TCF25: variants seen among roughly 807,000 people sequenced by gnomAD.
TCF25 encodes the protein TCF25 ribosome quality control complex subunit, also known as ribosome quality control complex subunit TCF25.
TCF25 carries 41 observed loss-of-function variants against 83.1 expected under a neutral mutation model. The observed-to-expected ratio is 0.49, with a 90% CI of 0.38 to 0.64. The LOEUF (loss-of-function observed/expected upper bound fraction) is 0.64, where lower values mean the gene tolerates loss of function less well. Ranked by LOEUF, TCF25 falls within the 30% of genes least tolerant of loss-of-function variation. TCF25 has a pLI of 0.00. For missense variants in TCF25, 979 were observed against 914.5 expected, an observed-to-expected ratio of 1.07 and a Z score of -0.91; for synonymous variants, 458 against 365.0, an observed-to-expected ratio of 1.25 and a Z score of -2.90.
At chr16:89,898,230 C>G (rs931908126) in intron 9 of TCF25, among the ~76,000 whole-genome samples, 3 of 152,126 alleles carry the variant, frequency 2.0e-5, no homozygotes, top group Non-Finnish European at 4.4e-5. Context: ...GTGCTGGGCA[C>G]GTAGAAAATG....
At chr16:89,905,395 G>A (rs1446828589) in intron 14 of TCF25, among the ~76,000 whole-genome samples, 1 of 152,164 alleles carries the variant, frequency 6.6e-6, no homozygotes, top group Non-Finnish European at 1.5e-5. Flanking sequence ...ATGATGACGA[G>A]TCTCTCACAG....
chr16:89,892,118 A>G, intron 5 of TCF25, 75 bp from the exon 6 acceptor site: 1 of 1,423,604 alleles, frequency 7.0e-7, no homozygotes, highest in Non-Finnish European at 9.4e-7. Flanking sequence ...CAGCCCGTGC[A>G]GGGATCAGGC....
intron 15 of TCF25, 31 bp downstream of exon 15, chr16:89,906,315 G>T: frequency 6.2e-7 from 1 of 1,603,878 alleles, no homozygotes; most frequent in Non-Finnish European, 8.5e-7. Context: ...TGGGAGCTCT[G>T]TGTAAGCCGG....
chr16:89,901,216 C>T (rs996570013), intron 12 of TCF25, among the ~76,000 whole-genome samples: 3 of 152,248 alleles, frequency 2.0e-5, no homozygotes, highest in Non-Finnish European at 2.9e-5. Context: ...TGGACTCAGC[C>T]TGCACAGCCG....
chr16:89,883,594 T>C lies in TCF25; in HGVS notation c.354+82T>C, dbSNP rs2042765365. 2.1e-6 allele frequency: 3 copies of C among 1,446,074 alleles called. No individual in the cohort carries two copies. In the South Asian group the frequency reaches 4.1e-5, roughly 20 times the overall value. The allele number at this position is 1,446,074 out of a possible 1,614,324, so 89.6% of individuals were successfully genotyped here. ...GCCACGTGTATCCTGTGCTGTGATT[T>C]TCCTTGGAGGTGTAATTTTCCGAGT... On this transcript the variant is annotated intron_variant, in intron 2 of 17. Coordinates refer to ENST00000263346, the MANE Select transcript of TCF25 (RefSeq NM_014972.3).
At chr16:89,893,399 G>A (rs2043580753) in intron 6 of TCF25, among the ~76,000 whole-genome samples, 1 of 152,196 alleles carries the variant, frequency 6.6e-6, no homozygotes, top group Non-Finnish European at 1.5e-5. Flanking sequence ...TGCTCGGCGT[G>A]GTCAGATCTG....
At chr16:89,884,444 G>C in intron 2 of TCF25, 138 bp from the exon 3 acceptor site, 10 of 775,680 alleles carry the variant, frequency 1.3e-5, no homozygotes, top group Non-Finnish European at 1.9e-5. Context: ...AGAAGAGAGT[G>C]AGTTGAAGGA....
intron 1 of TCF25, among the ~76,000 whole-genome samples, chr16:89,880,623 G>A (rs527409894): frequency 3.8e-4 from 58 of 151,872 alleles, no homozygotes; most frequent in African/African-American, 1.2e-3. Flanking sequence ...GTGTTGTGGC[G>A]TGTGCCTGTA....
rs1208282053 is a variant in TCF25 at position 89,905,083 on chromosome 16, G to A, written c.1615G>A (p.Ala539Thr). Reference sequence around the variant, plus strand: ...GGACGCCGGGGACCCAGCCGTGGAAGCCTGTGAGAACCGGTGAGCTAGGGG... The same window carrying A: ...GGACGCCGGGGACCCAGCCGTGGAAACCTGTGAGAACCGGTGAGCTAGGGG... ...AVDAGDPAVE[A>T]CENRRKVLYQ... The change falls in exon 14 of 18, where the codon GCC (alanine) becomes ACC (threonine). Residue 539 changes from alanine (A) to threonine (T), a missense_variant. Physicochemically the swap from Ala to Thr is moderately conservative, Grantham distance 58. Coordinates refer to ENST00000263346, the MANE Select transcript of TCF25 (RefSeq NM_014972.3). 6.3e-7 allele frequency: 1 copy of A among 1,598,344 alleles called. No individual in the cohort carries two copies. Among genetic ancestry groups the A allele is most frequent in the Non-Finnish European group, 8.5e-7 (1 of 1,172,848 alleles).
chr16:89,903,011 C>T (rs2044473251), intron 12 of TCF25, among the ~76,000 whole-genome samples: 1 of 152,164 alleles, frequency 6.6e-6, no homozygotes, highest in African/African-American at 2.4e-5. Flanking sequence ...GCTCGCTGAC[C>T]CCAAAAGTTT....
At chr16:89,908,925 A>C (rs1446832450) in intron 16 of TCF25, 1 of 1,287,430 alleles carries the variant, frequency 7.8e-7, no homozygotes, top group Non-Finnish European at 1.0e-6. Flanking sequence ...CCAGATGCTG[A>C]GAGATGGGGC....
intron 12 of TCF25, among the ~76,000 whole-genome samples, chr16:89,903,700 G>T (rs899289020): frequency 6.6e-6 from 1 of 152,070 alleles, no homozygotes; most frequent in African/African-American, 2.4e-5. Context: ...CCAGCTACTC[G>T]GGAGGCTGAG....
chr16:89,878,537 C>T, intron 1 of TCF25: 1 of 1,230,554 alleles, frequency 8.1e-7, no homozygotes. Context: ...GCTGATCGAG[C>T]TTTATCCTAA....
intron 14 of TCF25, among the ~76,000 whole-genome samples, chr16:89,905,442 GAA>G (rs1422249988): frequency 6.6e-6 from 1 of 152,332 alleles, no homozygotes; most frequent in South Asian, 2.1e-4. Context: ...GCAGAGACGA[GAA>G]AGAGTCTCCT....
At chr16:89,882,518 C>T (rs2042684184) in intron 1 of TCF25, among the ~76,000 whole-genome samples, 1 of 151,966 alleles carries the variant, frequency 6.6e-6, no homozygotes, top group Non-Finnish European at 1.5e-5. Flanking sequence ...GCCTGGATGA[C>T]AGAGCGAGAC....
At chr16:89,897,746 A>G (rs1190785942) in intron 9 of TCF25, among the ~76,000 whole-genome samples, 1 of 152,216 alleles carries the variant, frequency 6.6e-6, no homozygotes, top group East Asian at 1.9e-4. Flanking sequence ...AGATTGGAGG[A>G]TAAATTAAGA....
At chr16:89,908,028 C>G (rs111210192) in intron 16 of TCF25, among the ~76,000 whole-genome samples, 1 of 145,378 alleles carries the variant, frequency 6.9e-6, no homozygotes, top group African/African-American at 2.6e-5. Context: ...CTCCCAGTTC[C>G]CAGCTCCCAC....
intron 12 of TCF25, 36 bp downstream of exon 12, chr16:89,900,830 G>A: frequency 6.6e-7 from 1 of 1,516,112 alleles, no homozygotes; most frequent in Non-Finnish European, 9.0e-7. Flanking sequence ...GGGTAGGGGT[G>A]TGTCCTGTCA....
chr16:89,898,326 TGG>T (rs1567723254), intron 9 of TCF25, among the ~76,000 whole-genome samples: 1 of 122,224 alleles, frequency 8.2e-6, no homozygotes, highest in Admixed American at 7.7e-5. Flanking sequence ...GGGTGCTGAC[TGG>T]GGCGCTGAGC....
Sources: allele counts gnomAD v4.1 joint callset (sites outside exome capture counted in the v4.1 genomes callset), GRCh38; gene constraint gnomAD v4.1.1; transcripts MANE v1.5; gene names NCBI Gene and HGNC (gene_info 2026-07-23, HGNC 2026-07-21).